Variants in CNTD1 observed in about 807,000 individuals in gnomAD.
CNTD1 encodes the protein cyclin N-terminal domain containing 1.
CNTD1 carries 17 observed loss-of-function variants against 36.3 expected under a neutral mutation model. The observed-to-expected ratio is 0.47, with a 90% confidence interval of 0.32 to 0.70. The LOEUF (loss-of-function observed/expected upper bound fraction) is 0.70, where lower values mean the gene tolerates loss of function less well. CNTD1 is among the 30% of genes least tolerant of loss of function. The probability of loss-of-function intolerance (pLI) is 0.03; values close to 1 mark genes in which losing one functional copy is unlikely to be tolerated. For missense variants in CNTD1, 338 were observed against 386.1 expected, an observed-to-expected ratio of 0.88 and a Z score of 1.04; for synonymous variants, 128 against 153.3, an observed-to-expected ratio of 0.83 and a Z score of 1.22.
At chr17:42,808,064 G>C (rs1298243379) in intron 6 of CNTD1, among the ~76,000 whole-genome samples, 200 bp downstream of exon 6, 2 of 152,170 alleles carry the variant, frequency 1.3e-5, no homozygotes, top group Non-Finnish European at 2.9e-5. Context: ...ACTGGAAATG[G>C]AGGCCCAAGT....
In CNTD1 at chr17:42,809,488, C is replaced by G. The variant is rs757922174; in HGVS notation, c.946C>G (p.His316Asp). ...GGGGAGACAGCAGTCTATTCCTCCC[C>G]ACCTGGCAGCCAGAGCTCTGAAGAC... ...TPGRQQSIPPHLAARALKTVA... is the reference protein window; with the variant it reads ...TPGRQQSIPPDLAARALKTVA... Residue 316 changes from histidine (H) to aspartate (D), a missense_variant, in exon 7 of 7, where the codon CAC becomes GAC. Transcript: ENST00000588408. 1 of 1,614,134 alleles carries G rather than the reference C, an allele frequency of 6.2e-7. No individual in the cohort carries two copies. Among genetic ancestry groups the G allele is most frequent in the East Asian group, 2.2e-5 (1 of 44,880 alleles).
intron 1 of CNTD1, among the ~76,000 whole-genome samples, chr17:42,802,379 G>GT (rs1295825191): frequency 8.5e-5 from 13 of 152,080 alleles, no homozygotes; most frequent in Non-Finnish European, 1.5e-4. Context: ...TCCAAGCTCA[G>GT]TTTTTTTGGC....
intron 1 of CNTD1, among the ~76,000 whole-genome samples, chr17:42,801,268 C>A (rs1339818097): frequency 6.7e-6 from 1 of 148,816 alleles, no homozygotes. Context: ...GGAAAAGTGA[C>A]TTTTGTTTGG....
chr17:42,806,620 G>T, intron 4 of CNTD1, 54 bp from the exon 5 acceptor site: 1 of 1,570,496 alleles, frequency 6.4e-7, no homozygotes, highest in Non-Finnish European at 8.7e-7. Context: ...CTGTGGTTAT[G>T]ATCAGAGAAG....
chr17:42,807,701 T>C, intron 5 of CNTD1, 67 bp from the exon 6 acceptor site: 1 of 1,136,966 alleles, frequency 8.8e-7, no homozygotes, highest in Non-Finnish European at 1.3e-6. Context: ...TGAAGTTCCA[T>C]GACCCTATGA....
chr17:42,800,680 A>G (rs987866778), intron 1 of CNTD1, among the ~76,000 whole-genome samples: 1 of 152,218 alleles, frequency 6.6e-6, no homozygotes, highest in African/African-American at 2.4e-5. Flanking sequence ...GGATTAAACC[A>G]GAGGGAGATG....
chr17:42,805,910 G>A (rs753394617), intron 4 of CNTD1, 26 bp downstream of exon 4: 2 of 1,589,016 alleles, frequency 1.3e-6, no homozygotes, highest in South Asian at 1.1e-5. Flanking sequence ...AGGGAATATG[G>A]GTTGGAGACT....
chr17:42,808,145 C>T (rs993687702), intron 6 of CNTD1, among the ~76,000 whole-genome samples: 1 of 152,194 alleles, frequency 6.6e-6, no homozygotes, highest in Non-Finnish European at 1.5e-5. Flanking sequence ...CACGGTGGCT[C>T]ATGCCTGTAA....
In CNTD1 at chr17:42,806,828, C is replaced by G. The variant is rs751542461; in HGVS notation, c.725+10C>G. 1 of 1,613,730 alleles carries G rather than the reference C, an allele frequency of 6.2e-7. No individual in the cohort carries two copies. Among genetic ancestry groups the G allele is most frequent in the South Asian group, 1.1e-5 (1 of 91,062 alleles). On this transcript the variant is annotated intron_variant, in intron 5 of 6. Transcript: ENST00000588408. ...CCAGTCAGCTGCAAGGGTAAGACAACTCCTATAGGGTAGGCTCCTTCCAGG... is the reference window on the plus strand; with the variant it reads ...CCAGTCAGCTGCAAGGGTAAGACAAGTCCTATAGGGTAGGCTCCTTCCAGG...
chr17:42,807,019 TTTTAAA>T (rs1248013489), intron 5 of CNTD1, among the ~76,000 whole-genome samples: 2 of 152,242 alleles, frequency 1.3e-5, no homozygotes, highest in Admixed American at 6.5e-5. Context: ...AGGCTTTTAC[TTTTAAA>T]TTTAAATTAC....
intron 1 of CNTD1, 115 bp downstream of exon 1, chr17:42,799,351 T>C (rs2054732876): frequency 1.2e-5 from 14 of 1,190,088 alleles, no homozygotes; most frequent in Non-Finnish European, 1.6e-5. Flanking sequence ...TGCTAACACC[T>C]CTCTGTGGGG....
intron 1 of CNTD1, among the ~76,000 whole-genome samples, chr17:42,803,099 G>A (rs1263888494): frequency 1.3e-5 from 2 of 152,366 alleles, no homozygotes; most frequent in Admixed American, 1.3e-4. Context: ...GTGTCCAGCT[G>A]TAAGGTGACT....
chr17:42,803,962 A>G (rs190140379), intron 2 of CNTD1, among the ~76,000 whole-genome samples: 1 of 151,310 alleles, frequency 6.6e-6, no homozygotes, highest in Admixed American at 6.6e-5. Flanking sequence ...CAGCTTCCTG[A>G]GTAGCTGGGA....
intron 1 of CNTD1, among the ~76,000 whole-genome samples, chr17:42,801,214 A>C (rs1216526851): frequency 1.3e-5 from 2 of 151,254 alleles, no homozygotes; most frequent in African/African-American, 4.8e-5. Flanking sequence ...CAACAAAAAA[A>C]AACAACACAA....
chr17:42,801,541 A>G (rs2054792983), intron 1 of CNTD1, among the ~76,000 whole-genome samples: 3 of 68,718 alleles, frequency 4.4e-5, no homozygotes, highest in African/African-American at 2.1e-4. Context: ...ATATATATAT[A>G]TATATAATAT....
chr17:42,805,475 A>C, intron 3 of CNTD1: 2 of 303,978 alleles, frequency 6.6e-6, no homozygotes, highest in Non-Finnish European at 1.2e-5. Flanking sequence ...AGGGAGAGGA[A>C]TTAGGGAGGA....
In CNTD1 at chr17:42,807,857, G is replaced by A; in HGVS notation, c.815G>A (p.Trp272Ter). ...GCTTTCATCCAAAACCATGAGTGTT[G>A]GAGCCAGGTATGCACCACTGAGCAG... ...ASAFIQNHEC[W>*]SQVVGHLQSI... The change falls in exon 6 of 7, where the codon TGG (tryptophan) becomes TAG (stop). Residue 272 changes from tryptophan to a stop codon, truncating the protein, a stop_gained. Transcript: ENST00000588408. LOFTEE classifies it high-confidence loss of function. 6.2e-7 allele frequency: 1 copy of A among 1,611,676 alleles called. No homozygotes were observed. The highest frequency in any genetic ancestry group is 8.5e-7 in the Non-Finnish European group (1 of 1,177,718).
intron 2 of CNTD1, 84 bp from the exon 3 acceptor site, chr17:42,804,141 A>T: frequency 7.6e-7 from 1 of 1,318,572 alleles, no homozygotes; most frequent in Non-Finnish European, 1.1e-6. Context: ...GCTCAGCCTC[A>T]AATGTAAATT....
rs2054951496 is a variant in CNTD1 at position 42,809,630 on chromosome 17, T to G, written c.*95T>G. The G allele has an allele frequency of 1.1e-5, 13 of 1,174,098 alleles. No individual in the cohort carries two copies. In the South Asian group the frequency reaches 1.9e-4, roughly 17 times the overall value. The allele number at this position is 1,174,098 out of a possible 1,614,324, so 72.7% of individuals were successfully genotyped here. A position where few individuals can be genotyped will look rare whatever the true frequency, so the allele number is the denominator to read the frequency against. ...ATACTAAGGGTACAAAAATTCCAAG[T>G]CTCTTTTGAACTGTATTTTGTATGC... On this transcript the variant is annotated 3_prime_UTR_variant, in exon 7 of 7. Coordinates refer to ENST00000588408, the MANE Select transcript of CNTD1 (RefSeq NM_173478.3).
Sources: allele counts gnomAD v4.1 joint callset (sites outside exome capture counted in the v4.1 genomes callset), GRCh38; gene constraint gnomAD v4.1.1; transcripts MANE v1.5; gene names NCBI Gene and HGNC (gene_info 2026-07-23, HGNC 2026-07-21).